Variants in SCIN observed in about 807,000 individuals in gnomAD.
The protein encoded by SCIN is scinderin.
A neutral mutation model predicts 91.8 loss-of-function variants in SCIN; 91 were observed. The observed-to-expected ratio is 0.99, with a 90% CI of 0.84 to 1.18. The LOEUF is 1.18. Among genes scored for constraint, SCIN ranks in the 50% most tolerant of loss-of-function variants. The probability of loss-of-function intolerance (pLI) is 0.00; values close to 1 mark genes in which losing one functional copy is unlikely to be tolerated. For missense variants in SCIN, 1,087 were observed against 863.9 expected, an observed-to-expected ratio of 1.26 and a Z score of -3.24; for synonymous variants, 367 against 312.6, an observed-to-expected ratio of 1.17 and a Z score of -1.84.
intron 11 of SCIN, 60 bp from the exon 12 acceptor site, chr7:12,644,076 CAT>C (rs1335714400): frequency 5.8e-5 from 83 of 1,440,604 alleles, no homozygotes; most frequent in Non-Finnish European, 6.2e-5. Flanking sequence ...GCTTCTGGGA[CAT>C]GTTTATTGAG....
chr7:12,596,853 C>A (rs1782853685), intron 3 of SCIN, among the ~76,000 whole-genome samples: 2 of 152,166 alleles, frequency 1.3e-5, no homozygotes, highest in African/African-American at 4.8e-5. Flanking sequence ...TTTCCTTTTC[C>A]CTGTCCCTCT....
chr7:12,638,770 G>T (rs776861623), intron 10 of SCIN, among the ~76,000 whole-genome samples: 7 of 152,074 alleles, frequency 4.6e-5, no homozygotes, highest in Non-Finnish European at 1.0e-4. Flanking sequence ...ATTTAAAGGC[G>T]CATGTTAACT....
At chr7:12,589,924 A>G (rs1332494573) in intron 3 of SCIN, among the ~76,000 whole-genome samples, 2 of 152,196 alleles carry the variant, frequency 1.3e-5, no homozygotes, top group African/African-American at 2.4e-5. Flanking sequence ...CTCCAGTGCT[A>G]TGGGCAAAAG....
chr7:12,619,355 T>C (rs2708659), intron 4 of SCIN, among the ~76,000 whole-genome samples: 40,162 of 151,958 alleles, frequency 0.26, 5,441 homozygotes, highest in South Asian at 0.38. Context: ...CCAAAGTAGG[T>C]AAAGTTGACT....
intron 11 of SCIN, among the ~76,000 whole-genome samples, chr7:12,643,236 C>T (rs551773500): frequency 1.3e-5 from 2 of 152,270 alleles, no homozygotes; most frequent in Middle Eastern, 6.8e-3. Flanking sequence ...GATCATTTTA[C>T]AGGTCTTTCT....
Position 12,651,936 on chromosome 7 carries a change from C to T in SCIN, c.2020+35C>T, listed in dbSNP as rs368522683. On this transcript the variant is annotated intron_variant, in intron 15 of 15. Coordinates refer to ENST00000297029, the MANE Select transcript of SCIN (RefSeq NM_001112706.3). The surrounding 1 kb of genome is among the most constrained non-coding windows in gnomAD (Gnocchi z 5.9). Reference sequence around the variant, plus strand: ...ATCGATGGACCATTATAGCAGTAACCGGGCACCATTATGACCGAGTGTCTG... The same window carrying T: ...ATCGATGGACCATTATAGCAGTAACTGGGCACCATTATGACCGAGTGTCTG... 96 of 1,448,154 alleles carry T rather than the reference C, an allele frequency of 6.6e-5. No individual in the cohort carries two copies. Among genetic ancestry groups the T allele is most frequent in the East Asian group, 7.0e-5 (3 of 42,842 alleles). The allele number at this position is 1,448,154 out of a possible 1,614,324, so 89.7% of individuals were successfully genotyped here.
At chr7:12,631,320 G>A (rs1236446447) in intron 9 of SCIN, among the ~76,000 whole-genome samples, 2 of 152,212 alleles carry the variant, frequency 1.3e-5, no homozygotes, top group African/African-American at 4.8e-5. Flanking sequence ...ATGAGAAACA[G>A]ATGATTAACA....
intron 10 of SCIN, 148 bp from the exon 11 acceptor site, chr7:12,640,199 T>G: frequency 1.6e-6 from 1 of 607,202 alleles, no homozygotes; most frequent in South Asian, 3.7e-5. Context: ...TTAACCTATA[T>G]GTTCTGTTAA....
intron 3 of SCIN, among the ~76,000 whole-genome samples, chr7:12,581,814 T>C (rs1782493660): frequency 6.6e-6 from 1 of 152,218 alleles, no homozygotes; most frequent in Admixed American, 6.5e-5. Flanking sequence ...TATTAATCAT[T>C]ACTGTCATGA....
chr7:12,658,421 AG>A lies in SCIN; in HGVS notation c.*5708del, dbSNP rs1784207637. On this transcript the variant is annotated 3_prime_UTR_variant, in exon 16 of 16. Coordinates refer to ENST00000297029, the MANE Select transcript of SCIN (RefSeq NM_001112706.3). ...TATTGACACACCAAAGATGCTATGTAGGTGAAAATCTCTCCTAATGCATTCC... is the reference window on the plus strand; with the variant it reads ...TATTGACACACCAAAGATGCTATGTAGTGAAAATCTCTCCTAATGCATTCC... The A allele has an allele frequency of 6.6e-6, 1 of 152,192 alleles. No individual in the cohort carries two copies. The highest frequency in any genetic ancestry group is 2.4e-5 in the African/African-American group (1 of 41,452). The allele number at this position is 152,192 out of a possible 1,614,324, so 9.4% of individuals were successfully genotyped here.
At chr7:12,647,515 G>A (rs1050455493) in intron 13 of SCIN, among the ~76,000 whole-genome samples, 1 of 152,142 alleles carries the variant, frequency 6.6e-6, no homozygotes, top group African/African-American at 2.4e-5. Context: ...TGGTTACTGA[G>A]CCTGTCTGGG....
In SCIN at chr7:12,604,589, C is replaced by G. The variant is rs527952558; in HGVS notation, c.592C>G (p.Arg198Gly). 1 of 1,551,798 alleles carries G rather than the reference C, an allele frequency of 6.4e-7. No homozygotes were observed. Among genetic ancestry groups the G allele is most frequent in the Non-Finnish European group, 8.7e-7 (1 of 1,146,930 alleles). ...GGCAAACCAGGTAGCTACTGGCATTCGGTACAATGAAAGGAAAGGAAGGTC... is the reference window on the plus strand; with the variant it reads ...GGCAAACCAGGTAGCTACTGGCATTGGGTACAATGAAAGGAAAGGAAGGTC... ...LKANQVATGI[R>G]YNERKGRSEL... The change falls in exon 4 of 16, where the codon CGG becomes GGG. Residue 198 changes from arginine (R) to glycine (G), a missense_variant. Physicochemically the swap from Arg to Gly is moderately radical, Grantham distance 125. Coordinates refer to ENST00000297029, the MANE Select transcript of SCIN (RefSeq NM_001112706.3).
At position 12,655,170 on chromosome 7, in the gene SCIN, C is replaced by T. The variant is rs570215329; in HGVS notation, c.*2455C>T. On this transcript the variant is annotated 3_prime_UTR_variant, in exon 16 of 16. Transcript: ENST00000297029. ...CTTATAATACCTAATACAGTGTAAACGCTGTGTAAACAGTTGTTATACTAT... is the reference window on the plus strand; with the variant it reads ...CTTATAATACCTAATACAGTGTAAATGCTGTGTAAACAGTTGTTATACTAT... The T allele has an allele frequency of 7.9e-5, 12 of 152,256 alleles. No individual in the cohort carries two copies. The highest frequency in any genetic ancestry group is 4.1e-4 in the South Asian group (2 of 4,822). 9.4% of individuals were successfully genotyped at this position (152,256 alleles called of 1,614,324 possible).
Position 12,652,829 on chromosome 7 carries a change from C to A in SCIN, c.*114C>A. ...TTGTCTTTTGAAAATTAAGGCTGGG[C>A]GCGGTGGCTCACACCTGTAATCCCA... On this transcript the variant is annotated 3_prime_UTR_variant, in exon 16 of 16. Coordinates refer to ENST00000297029, the MANE Select transcript of SCIN (RefSeq NM_001112706.3). The A allele has an allele frequency of 7.6e-7, 1 of 1,322,184 alleles. No homozygotes were observed. Among genetic ancestry groups the A allele is most frequent in the South Asian group, 1.3e-5 (1 of 74,804 alleles). The allele number at this position is 1,322,184 out of a possible 1,614,324, so 81.9% of individuals were successfully genotyped here.
intron 9 of SCIN, among the ~76,000 whole-genome samples, chr7:12,631,216 A>G (rs1466496699): frequency 6.6e-6 from 1 of 152,212 alleles, no homozygotes; most frequent in African/African-American, 2.4e-5. Context: ...GAAAGTGTTT[A>G]TTGAGCACTT....
intron 4 of SCIN, among the ~76,000 whole-genome samples, chr7:12,616,980 A>G (rs774845382): frequency 2.2e-4 from 34 of 152,176 alleles, no homozygotes; most frequent in Non-Finnish European, 3.7e-4. Flanking sequence ...CTAAGATATA[A>G]GATTTTGACA....
At chr7:12,621,637 G>GTTTTTTTTTTTTTTTTATTTTT (rs1783409846) in intron 4 of SCIN, among the ~76,000 whole-genome samples, 1 of 106,396 alleles carries the variant, frequency 9.4e-6, no homozygotes, top group Admixed American at 1.0e-4. Flanking sequence ...AAGTGTTTTA[G>GTTTTTTTTTTTTTTTTATTTTT]TTTTTTTTTT....
In SCIN at chr7:12,599,689, T is replaced by C. The variant is rs557953045; in HGVS notation, c.517-4825T>C. On this transcript the variant is annotated intron_variant, in intron 3 of 15. Transcript: ENST00000297029. ...ACACCCACACCAACATCTGTTTTTT[T>C]TTTATTTTTTCATCATGGCCATTCT... 2.0e-5 allele frequency among the ~76,000 whole-genome samples: 3 copies of C among 152,222 alleles called. No homozygotes were observed. The East Asian group carries it at 5.8e-4, about 29-fold the overall frequency.
At chr7:12,582,576 G>A (rs6942564) in intron 3 of SCIN, among the ~76,000 whole-genome samples, 2 of 151,400 alleles carry the variant, frequency 1.3e-5, no homozygotes, top group African/African-American at 2.4e-5. Context: ...AATATTACAC[G>A]TAGACATCTA....
Sources: gnomAD v4.1 joint callset for allele counts (sites outside exome capture counted in the v4.1 genomes callset) on GRCh38, gnomAD v4.1.1 for gene constraint, Gnocchi (gnomAD v3.1) non-coding constraint, MANE v1.5 for transcripts, NCBI Gene and HGNC (gene_info 2026-07-23, HGNC 2026-07-21) for gene names.